The following KANSL1 variants were observed in gnomAD, a reference collection of about 807,000 sequenced individuals.
KANSL1 encodes the protein MLL1/MLL complex subunit KANSL1.
A neutral mutation model predicts 103.6 loss-of-function variants in KANSL1; 22 were observed. The ratio of observed to expected loss-of-function variants is 0.21; its 90% confidence interval spans 0.15 to 0.30. KANSL1 has a LOEUF of 0.30. Among genes scored for constraint, KANSL1 ranks in the 10% least tolerant of loss-of-function variants. The pLI is 1.00. For missense variants in KANSL1, 1,337 were observed against 1,399.8 expected (o/e 0.96, Z 0.72); for synonymous variants, 600 against 527.6 (o/e 1.14, Z -1.88).
At chr17:46,208,808 C>T (rs536351627) in intron 1 of KANSL1, among the ~76,000 whole-genome samples, 23 of 148,958 alleles carry the variant, frequency 1.5e-4, no homozygotes, top group Non-Finnish European at 2.4e-4. Flanking sequence ...AGCCGAGATC[C>T]TGCAACTGCA....
At chr17:46,125,242 C>T (rs55686102) in intron 2 of KANSL1, among the ~76,000 whole-genome samples, 21,664 of 151,912 alleles carry the variant, frequency 0.14, 2,126 homozygotes, top group Non-Finnish European at 0.22. Flanking sequence ...TTCATGAAGG[C>T]TCAGGTGATC....
intron 2 of KANSL1, among the ~76,000 whole-genome samples, chr17:46,148,497 ATTT>A (rs947580028): frequency 6.6e-6 from 1 of 152,198 alleles, no homozygotes; most frequent in African/African-American, 2.4e-5. Flanking sequence ...TGAACTAATT[ATTT>A]AACATAAGGT....
At chr17:46,184,124 T>C (rs564132029) in intron 1 of KANSL1, among the ~76,000 whole-genome samples, 1 of 152,326 alleles carries the variant, frequency 6.6e-6, no homozygotes, top group East Asian at 1.9e-4. Flanking sequence ...AAATGCCAGA[T>C]ACAAGATAGT....
chr17:46,065,860 T>C (rs1416025623), intron 6 of KANSL1, among the ~76,000 whole-genome samples: 1 of 152,180 alleles, frequency 6.6e-6, no homozygotes, highest in Non-Finnish European at 1.5e-5. Context: ...TTAAAAACTT[T>C]AGTGAAGATT....
chr17:46,074,986 C>T (rs938061206), intron 4 of KANSL1, among the ~76,000 whole-genome samples: 5 of 151,936 alleles, frequency 3.3e-5, no homozygotes, highest in South Asian at 2.1e-4. Flanking sequence ...TAAAACAATG[C>T]GTAACCTCTA....
chr17:46,137,783 C>T (rs1407831351), intron 2 of KANSL1, among the ~76,000 whole-genome samples: 1 of 151,084 alleles, frequency 6.6e-6, no homozygotes, highest in South Asian at 2.1e-4. Context: ...AGGAGAATGG[C>T]GTGAACCCAG....
At chr17:46,170,146 T>TCAAAACAAAA (rs74916749) in intron 2 of KANSL1, 1 of 151,942 alleles carries the variant, frequency 6.6e-6, no homozygotes, top group Non-Finnish European at 1.5e-5. Flanking sequence ...CGGAACTGTC[T>TCAAAACAAAA]CAAAACAAAA....
chr17:46,197,462 G>A (rs1378695770), upstream of KANSL1, among the ~76,000 whole-genome samples: 1 of 152,216 alleles, frequency 6.6e-6, no homozygotes, highest in Non-Finnish European at 1.5e-5. Context: ...GGCCAACATG[G>A]TGAAACCCCG....
intron 4 of KANSL1, among the ~76,000 whole-genome samples, chr17:46,081,462 T>C (rs2078985892): frequency 6.6e-6 from 1 of 152,222 alleles, no homozygotes; most frequent in South Asian, 2.1e-4. Context: ...TTCTGCTCTT[T>C]AATTTATTCA....
chr17:46,100,613 T>C (rs183075470), intron 2 of KANSL1, among the ~76,000 whole-genome samples: 19 of 152,384 alleles, frequency 1.2e-4, no homozygotes, highest in Admixed American at 6.5e-4. Flanking sequence ...AAAGGGATTA[T>C]CAATAGATCA....
intron 2 of KANSL1, among the ~76,000 whole-genome samples, chr17:46,125,242 C>A (rs55686102): frequency 6.6e-6 from 1 of 152,072 alleles, no homozygotes; most frequent in Non-Finnish European, 1.5e-5. Flanking sequence ...TTCATGAAGG[C>A]TCAGGTGATC....
At chr17:46,112,695 C>T (rs1171065713) in intron 2 of KANSL1, among the ~76,000 whole-genome samples, 1 of 151,174 alleles carries the variant, frequency 6.6e-6, no homozygotes, top group Non-Finnish European at 1.5e-5. Context: ...AAAAACAAAA[C>T]AAAACAAAAC....
intron 2 of KANSL1, among the ~76,000 whole-genome samples, chr17:46,099,180 C>T (rs1367535224): frequency 2.1e-5 from 3 of 144,810 alleles, no homozygotes; most frequent in South Asian, 2.1e-4. Context: ...AAAAATTAGC[C>T]GGGCGTGATG....
chr17:46,170,650 T>C, intron 2 of KANSL1: 1 of 585,278 alleles, frequency 1.7e-6, no homozygotes, highest in Non-Finnish European at 2.9e-6. Context: ...CCATTTAGAC[T>C]ACAACAATAC....
At chr17:46,191,892 CGACCCTAGGA>C (rs2047347663) in intron 1 of KANSL1, among the ~76,000 whole-genome samples, 1 of 151,770 alleles carries the variant, frequency 6.6e-6, no homozygotes, top group South Asian at 2.1e-4. Flanking sequence ...GTCGGTCTGC[CGACCCTAGGA>C]GCACTAAACT....
chr17:46,042,186 T>A (rs2077350430), intron 7 of KANSL1: 1 of 152,390 alleles, frequency 6.6e-6, no homozygotes, highest in Admixed American at 6.5e-5. Flanking sequence ...ATTACAGGCG[T>A]GAGCCACTGC....
At position 46,192,874 on chromosome 17, in the gene KANSL1, C is replaced by T. The variant is rs1172196812; in HGVS notation, c.-141G>A. 6.5e-6 allele frequency: 1 copy of T among 152,864 alleles called. No homozygotes were observed. Among genetic ancestry groups the T allele is most frequent in the African/African-American group, 2.4e-5 (1 of 41,402 alleles). The allele number at this position is 152,864 out of a possible 1,614,324, so 9.5% of individuals were successfully genotyped here. A position where few individuals can be genotyped will look rare whatever the true frequency, so the allele number is the denominator to read the frequency against. On this transcript the variant is annotated 5_prime_UTR_variant, in exon 1 of 15. Transcript: ENST00000432791. ...CGGATTCAGCCCCACAAAATGGGCG[C>T]AGTTTGCAAACAGCCCCCCGGCCTG...
chr17:46,148,833 A>C (rs1597802512), intron 2 of KANSL1, among the ~76,000 whole-genome samples: 1 of 147,586 alleles, frequency 6.8e-6, no homozygotes, highest in Non-Finnish European at 1.5e-5. Flanking sequence ...TAATCTGCCC[A>C]CCTCGGTTTC....
chr17:46,167,052 A>G (rs1310342017), intron 2 of KANSL1, among the ~76,000 whole-genome samples: 3 of 151,276 alleles, frequency 2.0e-5, no homozygotes, highest in African/African-American at 4.9e-5. Flanking sequence ...GAAAAAAAGA[A>G]AGGAAAAAAA....
Sources: allele counts gnomAD v4.1 joint callset (sites outside exome capture counted in the v4.1 genomes callset), GRCh38; gene constraint gnomAD v4.1.1; transcripts MANE v1.5; gene names NCBI Gene and HGNC (gene_info 2026-07-23, HGNC 2026-07-21).